The following EMC3 variants were observed in gnomAD, a reference collection of about 807,000 sequenced individuals.
EMC3 encodes ER membrane protein complex subunit 3.
Under a neutral mutation model 36.6 loss-of-function variants are expected in EMC3, and 13 were observed. The ratio of observed to expected loss-of-function variants is 0.35; its 90% confidence interval spans 0.23 to 0.56. The LOEUF is 0.56. EMC3 is among the 20% of genes least tolerant of loss of function. EMC3 has a pLI of 0.84. For synonymous variants in EMC3, 120 were observed against 111.9 expected (o/e 1.07, Z -0.46); for missense variants, 220 against 324.5 (o/e 0.68, Z 2.47).
At chr3:9,998,729 A>G (rs1158070771) in intron 1 of EMC3, among the ~76,000 whole-genome samples, 2 of 152,070 alleles carry the variant, frequency 1.3e-5, no homozygotes, top group African/African-American at 2.4e-5. Flanking sequence ...TTTTGTAGAC[A>G]TGTCTATTCA....
chr3:9,982,744 G>A (rs1420676326), intron 1 of EMC3, among the ~76,000 whole-genome samples: 1 of 151,958 alleles, frequency 6.6e-6, no homozygotes, highest in Non-Finnish European at 1.5e-5. Flanking sequence ...AAGATTAGCT[G>A]AGCGTGGTGG....
intron 1 of EMC3, among the ~76,000 whole-genome samples, chr3:9,998,088 C>T (rs558147377): frequency 3.3e-4 from 50 of 151,966 alleles, no homozygotes; most frequent in East Asian, 9.7e-4. Flanking sequence ...GTTTTATGGC[C>T]GGGCGCAGTG....
chr3:10,007,144 CAAG>C lies in EMC3; in HGVS notation c.-242+3876_-242+3878del, dbSNP rs112117503. The C allele has an allele frequency of 1.1e-4, 43 of 405,886 alleles. 1 individual carries two copies. Among genetic ancestry groups the C allele is most frequent in the African/African-American group, 8.5e-4 (40 of 47,124 alleles). The allele number at this position is 405,886 out of a possible 1,614,324, so 25.1% of individuals were successfully genotyped here. On this transcript the variant is annotated intron_variant, in intron 1 of 8. Coordinates refer to the EMC3 transcript ENST00000470827. The stretch of plus-strand genomic sequence containing the variant: ...TCCTGTCAGTTACTCAGAAAAACTG[CAAG>C]AAAAAGCCACCTCAGAGAAGTATCA...
chr3:9,981,303 A>G (rs1362037086), intron 1 of EMC3, among the ~76,000 whole-genome samples: 2 of 152,214 alleles, frequency 1.3e-5, no homozygotes, highest in African/African-American at 4.8e-5. Flanking sequence ...AGGCAGTGTA[A>G]TCAAGAGAAA....
Position 9,986,576 on chromosome 3 carries a change from A to G in EMC3, c.86T>C (p.Met29Thr). The stretch of plus-strand genomic sequence containing the variant: ...CAGGATGGACACGTAGTGGCGGATC[A>G]TGCCTACGAAGAAAGTGATGATAAC... ...PIVIITFFVG[M>T]IRHYVSILLQ... Residue 29 changes from methionine (M) to threonine (T), a missense_variant, in exon 1 of 8, where the codon ATG becomes ACG. Coordinates refer to ENST00000245046, the MANE Select transcript of EMC3 (RefSeq NM_001394674.1). The G allele has an allele frequency of 1.9e-6, 3 of 1,614,220 alleles. No individual in the cohort carries two copies. The highest frequency in any genetic ancestry group is 2.5e-6 in the Non-Finnish European group (3 of 1,180,026).
intron 1 of EMC3, chr3:10,007,476 G>T (rs752716441): frequency 2.2e-6 from 3 of 1,367,718 alleles, no homozygotes; most frequent in Non-Finnish European, 2.9e-6. Context: ...GTCTAGTGTG[G>T]CATTGGCCTT....
chr3:9,969,953 C>T (rs1378925271), intron 6 of EMC3, 152 bp from the exon 7 acceptor site: 3 of 1,277,128 alleles, frequency 2.3e-6, no homozygotes, highest in African/African-American at 3.0e-5. Context: ...CTAGGAAAGT[C>T]ACTTTGTGTC....
intron 7 of EMC3, chr3:9,968,599 G>C (rs1348054769): frequency 1.3e-5 from 2 of 152,026 alleles, no homozygotes; most frequent in East Asian, 3.9e-4. Flanking sequence ...TGAGTATGAT[G>C]TTAGCTGTGG....
chr3:10,004,463 A>C (rs1427647655), intron 1 of EMC3: 1 of 152,234 alleles, frequency 6.6e-6, no homozygotes, highest in East Asian at 1.9e-4. Flanking sequence ...AAAACAGAAG[A>C]AGCGGTCCAC....
At chr3:9,996,599 G>C (rs552670651) in intron 1 of EMC3, among the ~76,000 whole-genome samples, 15 of 151,988 alleles carry the variant, frequency 9.9e-5, no homozygotes, top group Admixed American at 3.3e-4. Flanking sequence ...CTTCCCCCCT[G>C]CCCTTTCTTG....
intron 4 of EMC3, 64 bp downstream of exon 4, chr3:9,974,320 T>A: frequency 9.3e-7 from 1 of 1,073,160 alleles, no homozygotes; most frequent in East Asian, 2.4e-5. Context: ...ACCTGTGATA[T>A]TAGTGTCTCA....
Position 9,973,654 on chromosome 3 carries a change from G to A in EMC3, c.468C>T (p.Ile156=), listed in dbSNP as rs748255772. ...AGGATGCATCTAATGTGAGTAGCTCGATTCCTTGCTGTAACATAGGCTTAA... is the reference window on the plus strand; with the variant it reads ...AGGATGCATCTAATGTGAGTAGCTCAATTCCTTGCTGTAACATAGGCTTAA... ...LRFKPMLQQG[I]ELLTLDASWV... Residue 156 remains isoleucine, a synonymous_variant, in exon 5 of 8, where the codon ATC becomes ATT. Coordinates refer to ENST00000245046, the MANE Select transcript of EMC3 (RefSeq NM_001394674.1). 9.9e-6 allele frequency: 16 copies of A among 1,613,980 alleles called. No individual in the cohort carries two copies. Among genetic ancestry groups the A allele is most frequent in the Middle Eastern group, 1.6e-4 (1 of 6,084 alleles).
chr3:9,973,343 C>T (rs773219611), intron 5 of EMC3, among the ~76,000 whole-genome samples: 12 of 151,754 alleles, frequency 7.9e-5, no homozygotes, highest in South Asian at 2.1e-4. Context: ...TACAGGCGCC[C>T]GCCACCACGC....
upstream of EMC3, chr3:9,986,927 G>T (rs1204594800): frequency 8.0e-7 from 1 of 1,254,272 alleles, no homozygotes; most frequent in East Asian, 3.7e-5. Flanking sequence ...GAAAACTATC[G>T]GCGGTGGCCC....
intron 7 of EMC3, chr3:9,969,505 A>G: frequency 1.4e-6 from 2 of 1,437,888 alleles, no homozygotes; most frequent in Non-Finnish European, 1.8e-6. Context: ...AATTCCAGTG[A>G]GCATTTAAAA....
intron 1 of EMC3, among the ~76,000 whole-genome samples, chr3:9,997,941 G>T (rs183242936): frequency 6.6e-6 from 1 of 152,232 alleles, no homozygotes; most frequent in East Asian, 1.9e-4. Flanking sequence ...ATCATGTGAT[G>T]AACATATGTT....
chr3:9,987,275 G>A, upstream of EMC3: 1 of 984,388 alleles, frequency 1.0e-6, no homozygotes, highest in Non-Finnish European at 1.2e-6. Context: ...GTGAGTAAAT[G>A]GAGCAGTGGT....
chr3:9,970,697 T>C (rs1431786870), intron 5 of EMC3, 36 bp from the exon 6 acceptor site: 1 of 1,607,372 alleles, frequency 6.2e-7, no homozygotes, highest in African/African-American at 1.3e-5. Flanking sequence ...TGGTTAGTTA[T>C]TATATCAGAG....
Position 9,970,665 on chromosome 3 carries a change from G to A in EMC3, c.495-4C>T. ...GTACCAGGATGCAGAACTCACCCTG[G>A]CAAAGCAAAATGAAAATGGTGTGGT... is the stretch of plus-strand genomic sequence containing the variant. On this transcript the variant is annotated splice_polypyrimidine_tract_variant and splice_region_variant and intron_variant, in intron 5 of 7. Coordinates refer to ENST00000245046, the MANE Select transcript of EMC3 (RefSeq NM_001394674.1). The A allele has an allele frequency of 6.2e-7, 1 of 1,613,992 alleles. No individual in the cohort carries two copies. The highest frequency in any genetic ancestry group is 8.5e-7 in the Non-Finnish European group (1 of 1,179,924).
Sources: gnomAD v4.1 joint callset for allele counts (sites outside exome capture counted in the v4.1 genomes callset) on GRCh38, gnomAD v4.1.1 for gene constraint, MANE v1.5 for transcripts, NCBI Gene and HGNC (gene_info 2026-07-23, HGNC 2026-07-21) for gene names.